Variants in CHD8 observed in about 807,000 individuals in gnomAD.
CHD8 encodes the protein ATP-dependent chromatin remodeler CHD8.
CHD8 carries 31 observed loss-of-function variants against 279.2 expected under a neutral mutation model. The ratio of observed to expected loss-of-function variants is 0.11; its 90% CI spans 0.08 to 0.15. The LOEUF is 0.15. Among genes scored for constraint, CHD8 ranks in the 10% least tolerant of loss-of-function variants. The pLI is 1.00. For synonymous variants in CHD8, 1,081 were observed against 1,139.6 expected (o/e 0.95, Z 1.04); for missense variants, 2,146 against 3,230.5 (o/e 0.66, Z 8.14).
chr14:21,437,058 A>AGGGGGGG, intron 1 of CHD8: 1 of 117,430 alleles, frequency 8.5e-6, no homozygotes, highest in Admixed American at 1.9e-4. Flanking sequence ...AGACGGGAAG[A>AGGGGGGG]TGCGGGGGGT....
chr14:21,386,397 T>C (rs748397811), intron 37 of CHD8: 52 of 574,478 alleles, frequency 9.1e-5, no homozygotes, highest in Non-Finnish European at 1.4e-4. Context: ...AGATCAATGA[T>C]TTTGTACCGA....
intron 37 of CHD8, among the ~76,000 whole-genome samples, chr14:21,387,048 T>C (rs1158029805): frequency 6.6e-6 from 1 of 152,214 alleles, no homozygotes; most frequent in Non-Finnish European, 1.5e-5. Flanking sequence ...TTGTTCCACA[T>C]TGATAAAAAA....
intron 28 of CHD8, 196 bp from the exon 29 acceptor site, chr14:21,395,548 T>C (rs574459859): frequency 1.5e-4 from 92 of 601,778 alleles, no homozygotes; most frequent in African/African-American, 1.5e-3. Context: ...AAAGGTCAGT[T>C]CCTATTAACG....
intron 11 of CHD8, among the ~76,000 whole-genome samples, chr14:21,409,551 TAATG>T (rs1373986611): frequency 6.6e-6 from 1 of 152,196 alleles, no homozygotes. Context: ...TTAGGTGTAA[TAATG>T]GTATTATTTC....
rs1889555015 is a variant in CHD8, at chr14:21,431,330, G to A, written c.314C>T (p.Pro105Leu). ...CGATGTCTGTAAGACAGGTTGGGCT[G>A]GCTGCTCCTGGCTGGCAGGCTGAGT... is the stretch of plus-strand genomic sequence containing the variant. ...YTTQPASQEQ[P>L]AQPVLQTSTP... The change falls in exon 2 of 38, where the codon CCA becomes CTA. Residue 105 changes from proline to leucine, a missense_variant. By Grantham distance (98) the Pro-to-Leu change is moderately conservative (BLOSUM62 -3). This residue lies in a region of CHD8 where 302 missense variants were observed against 325.5 expected (regional missense o/e 0.93). Coordinates refer to ENST00000646647, the MANE Select transcript of CHD8 (RefSeq NM_001170629.2). The A allele has an allele frequency of 8.4e-6, 13 of 1,540,936 alleles. No homozygotes were observed. Among genetic ancestry groups the A allele is most frequent in the South Asian group, 1.2e-5 (1 of 84,426 alleles).
intron 3 of CHD8, 31 bp downstream of exon 3, chr14:21,428,933 C>A: frequency 6.2e-7 from 1 of 1,607,462 alleles, no homozygotes; most frequent in Non-Finnish European, 8.5e-7. Context: ...TTTTTGTTTT[C>A]TTTCTTTTCC....
At chr14:21,398,974 TC>T in intron 26 of CHD8, 1 of 423,294 alleles carries the variant, frequency 2.4e-6, no homozygotes, top group Non-Finnish European at 4.8e-6. Context: ...ACCCTTGAGG[TC>T]CAGCCGAGTG....
At chr14:21,420,818 A>G (rs1256166216) in intron 5 of CHD8, among the ~76,000 whole-genome samples, 1 of 151,504 alleles carries the variant, frequency 6.6e-6, no homozygotes, top group East Asian at 1.9e-4. Context: ...GCTGGAGTGC[A>G]ATGGCATGAT....
In CHD8 at chr14:21,391,377, T is replaced by C. The variant is rs3762159; in HGVS notation, c.7065+86A>G. The C allele has an allele frequency of 0.89, 1,125,505 of 1,269,552 alleles. 502,133 individuals carry two copies. The highest frequency in any genetic ancestry group is 0.91 in the Middle Eastern group (4,795 of 5,256). 78.6% of individuals were successfully genotyped at this position (1,269,552 alleles called of 1,614,324 possible). A position where few individuals can be genotyped will look rare whatever the true frequency, so the allele number is the denominator to read the frequency against. ...TATCTTGCAGATACAGAAACGATGA[T>C]ACAGTATGTCATGCTTTCTCTTTCT... On this transcript the variant is annotated intron_variant, in intron 36 of 37. Transcript: ENST00000646647.
chr14:21,391,099 G>T (rs1160446311), intron 36 of CHD8, 36 bp from the exon 37 acceptor site: 5 of 1,274,562 alleles, frequency 3.9e-6, no homozygotes, highest in Non-Finnish European at 5.6e-6. Context: ...TAGAGGAATA[G>T]AAATCTTCTC....
chr14:21,403,218 T>C lies in CHD8; in HGVS notation c.3519-6A>G. 4.3e-6 allele frequency: 7 copies of C among 1,611,636 alleles called. No individual in the cohort carries two copies. Among genetic ancestry groups the C allele is most frequent in the Non-Finnish European group, 5.9e-6 (7 of 1,178,466 alleles). ...CAATACGTTCATATAAGTACCTGTA[T>C]GGGAATCGCAGAAAAAAAATGTAAG... On this transcript the variant is annotated splice_polypyrimidine_tract_variant and splice_region_variant and intron_variant, in intron 17 of 37. Coordinates refer to ENST00000646647, the MANE Select transcript of CHD8 (RefSeq NM_001170629.2). The surrounding 1 kb of genome is among the most constrained non-coding windows in gnomAD (Gnocchi z 4.3).
Position 21,453,347 on chromosome 14 carries a change from T to G in CHD8, c.-216+2685A>C, listed in dbSNP as rs1021407487. 7.9e-5 allele frequency among the ~76,000 whole-genome samples: 12 copies of G among 151,696 alleles called. 1 individual carries two copies. Among genetic ancestry groups the G allele is most frequent in the African/African-American group, 2.9e-4 (12 of 41,038 alleles). On this transcript the variant is annotated intron_variant, in intron 1 of 37. Transcript: ENST00000646647. Reference sequence around the variant, plus strand: ...GGTTTCAGCTAAACAGAAGCAAAAGTGTACAACGTCAGTGAATTAAGTGAA... The same window carrying G: ...GGTTTCAGCTAAACAGAAGCAAAAGGGTACAACGTCAGTGAATTAAGTGAA...
rs945532157 is a variant in CHD8 at position 21,441,688 on chromosome 14, A to G, written c.-215-9830T>C. 6.6e-5 allele frequency among the ~76,000 whole-genome samples: 10 copies of G among 152,046 alleles called. 1 individual carries two copies. Among genetic ancestry groups the G allele is most frequent in the South Asian group, 6.2e-4 (3 of 4,828 alleles). On this transcript the variant is annotated intron_variant, in intron 1 of 37. Coordinates refer to ENST00000646647, the MANE Select transcript of CHD8 (RefSeq NM_001170629.2). Reference sequence around the variant, plus strand: ...CATATCACGAGGTCAGGAGATGGAGACCATCCTGGCTAACACGGTGAAACC... The same window carrying G: ...CATATCACGAGGTCAGGAGATGGAGGCCATCCTGGCTAACACGGTGAAACC...
chr14:21,389,944 A>T (rs1887451559), intron 37 of CHD8, among the ~76,000 whole-genome samples: 1 of 152,200 alleles, frequency 6.6e-6, no homozygotes, highest in Admixed American at 6.5e-5. Context: ...ATAGAATTAG[A>T]AAACTTAAGG....
intron 1 of CHD8, among the ~76,000 whole-genome samples, chr14:21,452,791 C>G (rs1024713778): frequency 3.9e-5 from 6 of 152,024 alleles, no homozygotes; most frequent in African/African-American, 1.4e-4. Context: ...AAAGACCAGC[C>G]TGGCCAATAT....
rs536756664 is a variant in CHD8, at chr14:21,437,401, A to C, written c.-215-5543T>G. On this transcript the variant is annotated intron_variant, in intron 1 of 37. Coordinates refer to ENST00000646647, the MANE Select transcript of CHD8 (RefSeq NM_001170629.2). The stretch of plus-strand genomic sequence containing the variant: ...CTCCCTTCCCCCTCCCCCGCAGGTT[A>C]GGTTGAGAGCGCACGGAGAGGCCTA... 1.0e-3 allele frequency: 393 copies of C among 376,370 alleles called. 1 individual carries two copies. The highest frequency in any genetic ancestry group is 1.3e-3 in the Non-Finnish European group (345 of 256,854). The allele number at this position is 376,370 out of a possible 1,614,324, so 23.3% of individuals were successfully genotyped here.
rs533937228 is a variant in CHD8, at chr14:21,454,744, T to G, written c.-216+1288A>C. ...TCTTGCAGCAGAAGGTCTTCTTACA[T>G]GGAAAATGTTTTTCTTATCATAACT... On this transcript the variant is annotated intron_variant, in intron 1 of 37. Coordinates refer to ENST00000646647, the MANE Select transcript of CHD8 (RefSeq NM_001170629.2). Among the ~76,000 whole-genome samples, 4 of 152,344 alleles carry G rather than the reference T, an allele frequency of 2.6e-5. No individual in the cohort carries two copies. The East Asian group carries it at 7.7e-4, about 29-fold the overall frequency.
intron 1 of CHD8, 73 bp from the exon 2 acceptor site, chr14:21,431,931 C>T (rs1251294775): frequency 1.1e-5 from 10 of 929,084 alleles, no homozygotes; most frequent in African/African-American, 8.1e-5. Context: ...TCCCTTCTTA[C>T]GTACTGTTCT....
intron 1 of CHD8, among the ~76,000 whole-genome samples, chr14:21,455,438 G>A (rs1327085269): frequency 6.6e-6 from 1 of 152,130 alleles, no homozygotes; most frequent in African/African-American, 2.4e-5. Context: ...GACCTGTCAA[G>A]GAGGATGCAA....
Sources: allele counts gnomAD v4.1 joint callset (sites outside exome capture counted in the v4.1 genomes callset), GRCh38; gene constraint gnomAD v4.1.1; regional missense constraint gnomAD v4.1.1; non-coding constraint Gnocchi (gnomAD v3.1); transcripts MANE v1.5; gene names NCBI Gene and HGNC (gene_info 2026-07-23, HGNC 2026-07-21).